The following SLC9A5 variants were observed in gnomAD, a reference collection of about 807,000 sequenced individuals.
SLC9A5 encodes sodium/hydrogen exchanger 5.
A neutral mutation model predicts 91.7 loss-of-function variants in SLC9A5; 52 were observed. The observed-to-expected ratio is 0.57, with a 90% CI of 0.45 to 0.71. The LOEUF is 0.71. SLC9A5 is among the 30% of genes least tolerant of loss of function. The probability of loss-of-function intolerance (pLI) is 0.00; values close to 1 mark genes in which losing one functional copy is unlikely to be tolerated. For synonymous variants in SLC9A5, 419 were observed against 474.5 expected (o/e 0.88, Z 1.52); for missense variants, 871 against 1,158.9 (o/e 0.75, Z 3.61).
intron 12 of SLC9A5, chr16:67,262,202 T>C (rs2035554530): frequency 4.5e-6 from 2 of 449,230 alleles, no homozygotes; most frequent in African/African-American, 2.0e-5. Flanking sequence ...CACATAAACA[T>C]GTTGAACAGG....
In SLC9A5 at chr16:67,257,493, G is replaced by C; in HGVS notation, c.1426-38G>C. The stretch of plus-strand genomic sequence containing the variant: ...TCTCGACCTTCTCCTATTTTGGGCA[G>C]AGTCCTGATCCAGTCCCCCTACCCA... On this transcript the variant is annotated intron_variant, in intron 8 of 15. Transcript: ENST00000299798. The surrounding 1 kb of genome is among the most constrained non-coding windows in gnomAD (Gnocchi z 5.1). 1 of 1,613,806 alleles carries C rather than the reference G, an allele frequency of 6.2e-7. No homozygotes were observed. The highest frequency in any genetic ancestry group is 8.5e-7 in the Non-Finnish European group (1 of 1,179,688).
At chr16:67,260,354 C>CAAAAAAAA (rs397932908) in intron 12 of SLC9A5, among the ~76,000 whole-genome samples, 1 of 33,442 alleles carries the variant, frequency 3.0e-5, no homozygotes, top group African/African-American at 1.9e-4. Context: ...GACTCCATCT[C>CAAAAAAAA]AAAAAAAAAA....
Position 67,258,168 on chromosome 16 carries a change from G to T in SLC9A5, c.1497-150G>T. On this transcript the variant is annotated intron_variant, in intron 9 of 15. Transcript: ENST00000299798. The surrounding 1 kb of genome is among the most constrained non-coding windows in gnomAD (Gnocchi z 4.5). Reference sequence around the variant, plus strand: ...CCCATGACATTGTAAATTCCATGAGGGCAGGGACTAGCCTTGAGATTCTCT... The same window carrying T: ...CCCATGACATTGTAAATTCCATGAGTGCAGGGACTAGCCTTGAGATTCTCT... 1.4e-6 allele frequency: 1 copy of T among 692,330 alleles called. No individual in the cohort carries two copies. The highest frequency in any genetic ancestry group is 1.8e-5 in the South Asian group (1 of 55,022). The allele number at this position is 692,330 out of a possible 1,614,324, so 42.9% of individuals were successfully genotyped here.
rs199608807 is a variant in SLC9A5, at chr16:67,256,522, A to G, written c.965A>G (p.His322Arg). 31 of 1,613,838 alleles carry G rather than the reference A, an allele frequency of 1.9e-5. No homozygotes were observed. The East Asian group carries it at 6.5e-4, about 34-fold the overall frequency. Residue 322 changes from histidine (H) to arginine (R), a missense_variant, in exon 6 of 16, where the codon CAT becomes CGT. His to Arg is a conservative substitution (Grantham distance 29). Around this residue, in one of 3 missense-constraint regions of SLC9A5, gnomAD observed 454 missense variants for 718.3 expected, o/e 0.63. Coordinates refer to ENST00000299798, the MANE Select transcript of SLC9A5 (RefSeq NM_004594.3). This position sits in a 1 kb window ranked among gnomAD's most constrained non-coding sequence, Gnocchi z 4.1. ...AAGTACGTGGAGGCCAACATCTCCCATAAGTCACGCACAACTGTCAAATAT... is the reference window on the plus strand; with the variant it reads ...AAGTACGTGGAGGCCAACATCTCCCGTAAGTCACGCACAACTGTCAAATAT... ...CKKYVEANIS[H>R]KSRTTVKYTM...
At chr16:67,260,354 C>CAAAAAAA (rs397932908) in intron 12 of SLC9A5, among the ~76,000 whole-genome samples, 1 of 33,442 alleles carries the variant, frequency 3.0e-5, no homozygotes, top group African/African-American at 1.9e-4. Flanking sequence ...GACTCCATCT[C>CAAAAAAA]AAAAAAAAAA....
Position 67,255,945 on chromosome 16 carries a change from C to A in SLC9A5, c.911+15C>A, listed in dbSNP as rs764105017. ...GCCATTCTTGCGTGAGTTCTGGGGG[C>A]CTTGCAGGCAGATAGCTGGGAGGGG... On this transcript the variant is annotated intron_variant, in intron 5 of 15. Coordinates refer to ENST00000299798, the MANE Select transcript of SLC9A5 (RefSeq NM_004594.3). This position sits in a 1 kb window ranked among gnomAD's most constrained non-coding sequence, Gnocchi z 4.9. 8 of 1,609,412 alleles carry A rather than the reference C, an allele frequency of 5.0e-6. No individual in the cohort carries two copies. The South Asian group carries it at 8.9e-5, about 18-fold the overall frequency.
At position 67,257,727 on chromosome 16, in the gene SLC9A5, C is replaced by T; in HGVS notation, c.1496+126C>T. ...CAGGCTGGGTGACCTCTGCCTGAAG[C>T]CCTTCAGTGGCATCCCAGTGCTCTC... On this transcript the variant is annotated intron_variant, in intron 9 of 15. Coordinates refer to ENST00000299798, the MANE Select transcript of SLC9A5 (RefSeq NM_004594.3). The surrounding 1 kb of genome is among the most constrained non-coding windows in gnomAD (Gnocchi z 5.1). 1 of 930,560 alleles carries T rather than the reference C, an allele frequency of 1.1e-6. No homozygotes were observed. The highest frequency in any genetic ancestry group is 1.4e-5 in the South Asian group (1 of 69,154). 57.6% of individuals were successfully genotyped at this position (930,560 alleles called of 1,614,324 possible).
At chr16:67,267,314 G>A (rs1479357665) in intron 15 of SLC9A5, among the ~76,000 whole-genome samples, 1 of 152,046 alleles carries the variant, frequency 6.6e-6, no homozygotes, top group East Asian at 1.9e-4. Flanking sequence ...TCGAACTCCT[G>A]ACCTCAGGTG....
intron 10 of SLC9A5, among the ~76,000 whole-genome samples, chr16:67,259,104 C>T (rs1445439182): frequency 1.3e-5 from 2 of 151,874 alleles, no homozygotes; most frequent in African/African-American, 4.8e-5. Context: ...ACTAAAAATA[C>T]AAAAACTAGC....
At position 67,249,207 on chromosome 16, in the gene SLC9A5, T is replaced by C; in HGVS notation, c.187+6T>C. 1 of 1,451,242 alleles carries C rather than the reference T, an allele frequency of 6.9e-7. No homozygotes were observed. Among genetic ancestry groups the C allele is most frequent in the Non-Finnish European group, 9.1e-7 (1 of 1,102,214 alleles). 89.9% of individuals were successfully genotyped at this position (1,451,242 alleles called of 1,614,324 possible). On this transcript the variant is annotated splice_donor_region_variant and intron_variant, in intron 1 of 15. Transcript: ENST00000299798. Reference sequence around the variant, plus strand: ...GGCCAGTCTGGCCAAAATCGGTGAGTGCGTGTGTGCGTGCGCCAGGCCGAC... The same window carrying C: ...GGCCAGTCTGGCCAAAATCGGTGAGCGCGTGTGTGCGTGCGCCAGGCCGAC...
In SLC9A5 at chr16:67,256,275, C is replaced by G. The variant is rs958874975; in HGVS notation, c.912-194C>G. ...CTTCCACCTTCCCTTCCAGGAGACA[C>G]TGAATGGGAAGCCTGGAGATCTGGA... On this transcript the variant is annotated intron_variant, in intron 5 of 15. Coordinates refer to ENST00000299798, the MANE Select transcript of SLC9A5 (RefSeq NM_004594.3). This position sits in a 1 kb window ranked among gnomAD's most constrained non-coding sequence, Gnocchi z 4.1. Among the ~76,000 whole-genome samples, 2 of 152,212 alleles carry G rather than the reference C, an allele frequency of 1.3e-5. No individual in the cohort carries two copies. The highest frequency in any genetic ancestry group is 6.5e-5 in the Admixed American group (1 of 15,290).
chr16:67,266,862 T>C (rs1042938110), intron 15 of SLC9A5, among the ~76,000 whole-genome samples: 1 of 150,720 alleles, frequency 6.6e-6, no homozygotes, highest in Non-Finnish European at 1.5e-5. Flanking sequence ...TTTTTTTTTT[T>C]TTTTTAAATG....
rs762987724 is a variant in SLC9A5 at position 67,255,566 on chromosome 16, C to A, written c.733+95C>A. On this transcript the variant is annotated intron_variant, in intron 4 of 15. Coordinates refer to ENST00000299798, the MANE Select transcript of SLC9A5 (RefSeq NM_004594.3). This position sits in a 1 kb window ranked among gnomAD's most constrained non-coding sequence, Gnocchi z 4.9. ...CCGCATCAGGACAGAAGAGGCTATT[C>A]GGGTTGCCTCATCTCCTCTATAGAG... 2.9e-6 allele frequency: 4 copies of A among 1,379,810 alleles called. No homozygotes were observed. The highest frequency in any genetic ancestry group is 1.8e-4 in the Middle Eastern group (1 of 5,638). The allele number at this position is 1,379,810 out of a possible 1,614,324, so 85.5% of individuals were successfully genotyped here. A position where few individuals can be genotyped will look rare whatever the true frequency, so the allele number is the denominator to read the frequency against.
chr16:67,256,516 T>G lies in SLC9A5; in HGVS notation c.959T>G (p.Ile320Ser). 1 of 1,613,502 alleles carries G rather than the reference T, an allele frequency of 6.2e-7. No individual in the cohort carries two copies. The highest frequency in any genetic ancestry group is 2.2e-5 in the East Asian group (1 of 44,882). ...LGCKKYVEANISHKSRTTVKY... is the reference protein window; with the variant it reads ...LGCKKYVEANSSHKSRTTVKY... ...TGTAAGAAGTACGTGGAGGCCAACA[T>G]CTCCCATAAGTCACGCACAACTGTC... Residue 320 changes from isoleucine (I) to serine (S), a missense_variant, in exon 6 of 16, where the codon ATC becomes AGC. By Grantham distance (142) the Ile-to-Ser change is moderately radical. This residue lies in a region of SLC9A5 where 454 missense variants were observed against 718.3 expected (regional missense o/e 0.63). Coordinates refer to ENST00000299798, the MANE Select transcript of SLC9A5 (RefSeq NM_004594.3). This position sits in a 1 kb window ranked among gnomAD's most constrained non-coding sequence, Gnocchi z 4.1.
Position 67,270,132 on chromosome 16 carries a change from G to A in SLC9A5, c.2219-606G>A, listed in dbSNP as rs2035868333. Among the ~76,000 whole-genome samples the A allele has an allele frequency of 6.6e-6, 1 of 152,078 alleles. No homozygotes were observed. The highest frequency in any genetic ancestry group is 2.4e-5 in the African/African-American group (1 of 41,388). ...AGACCAGTGCTGCAGTAGGGTGAGG[G>A]GACTGGAGATGGGGCTTCCTGCCTG... On this transcript the variant is annotated intron_variant, in intron 15 of 15. Coordinates refer to ENST00000299798, the MANE Select transcript of SLC9A5 (RefSeq NM_004594.3). This position sits in a 1 kb window ranked among gnomAD's most constrained non-coding sequence, Gnocchi z 4.3.
Position 67,266,162 on chromosome 16 carries a change from G to A in SLC9A5, c.2155G>A (p.Asp719Asn), listed in dbSNP as rs202201691. The A allele has an allele frequency of 1.9e-6, 3 of 1,611,466 alleles. No homozygotes were observed. Among genetic ancestry groups the A allele is most frequent in the Middle Eastern group, 1.7e-4 (1 of 6,058 alleles). The change falls in exon 15 of 16, where the codon GAT (aspartate) becomes AAT (asparagine). Residue 719 changes from aspartate to asparagine, a missense_variant. This residue lies in a region of SLC9A5 where 295 missense variants were observed against 326.0 expected (regional missense o/e 0.90). Coordinates refer to ENST00000299798, the MANE Select transcript of SLC9A5 (RefSeq NM_004594.3). ...CAGTTCAGAGACAGAGAAGGAGGAC[G>A]ATGAGGGGATCATCTTTGTGGCTCG... ...SDSSETEKED[D>N]EGIIFVARAT... is the part of the protein sequence containing the mutation.
chr16:67,255,630 C>G lies in SLC9A5; in HGVS notation c.734-123C>G, dbSNP rs758005797. ...GAGGGGCTTGCCAGGGATCCTGGCTCTGGGGTTTTGAGCCCCTGGGAGTGC... is the reference window on the plus strand; with the variant it reads ...GAGGGGCTTGCCAGGGATCCTGGCTGTGGGGTTTTGAGCCCCTGGGAGTGC... On this transcript the variant is annotated intron_variant, in intron 4 of 15. Transcript: ENST00000299798. This position sits in a 1 kb window ranked among gnomAD's most constrained non-coding sequence, Gnocchi z 4.9. The G allele has an allele frequency of 1.1e-5, 15 of 1,333,068 alleles. No individual in the cohort carries two copies. Among genetic ancestry groups the G allele is most frequent in the South Asian group, 2.5e-5 (2 of 80,242 alleles). The allele number at this position is 1,333,068 out of a possible 1,614,324, so 82.6% of individuals were successfully genotyped here.
At chr16:67,253,152 C>G (rs1354687768) in intron 2 of SLC9A5, among the ~76,000 whole-genome samples, 1 of 152,194 alleles carries the variant, frequency 6.6e-6, no homozygotes, top group Non-Finnish European at 1.5e-5. Context: ...CATTTGCCAG[C>G]CCGTCTCCCC....
In SLC9A5 at chr16:67,255,944, G is replaced by T. The variant is rs763046017; in HGVS notation, c.911+14G>T. On this transcript the variant is annotated intron_variant, in intron 5 of 15. Transcript: ENST00000299798. This position sits in a 1 kb window ranked among gnomAD's most constrained non-coding sequence, Gnocchi z 4.9. ...CGCCATTCTTGCGTGAGTTCTGGGG[G>T]CCTTGCAGGCAGATAGCTGGGAGGG... is the stretch of plus-strand genomic sequence containing the variant. 6.2e-7 allele frequency: 1 copy of T among 1,609,666 alleles called. No individual in the cohort carries two copies. The highest frequency in any genetic ancestry group is 1.3e-5 in the African/African-American group (1 of 74,976).
Sources: allele counts gnomAD v4.1 joint callset (sites outside exome capture counted in the v4.1 genomes callset), GRCh38; gene constraint gnomAD v4.1.1; regional missense constraint gnomAD v4.1.1; non-coding constraint Gnocchi (gnomAD v3.1); transcripts MANE v1.5; gene names NCBI Gene and HGNC (gene_info 2026-07-23, HGNC 2026-07-21).